Variants in CDH12 observed in about 807,000 individuals in gnomAD.
CDH12 encodes the protein cadherin-12.
CDH12 carries 41 observed loss-of-function variants against 74.1 expected under a neutral mutation model. The observed-to-expected ratio is 0.55, with a 90% CI of 0.43 to 0.72. The LOEUF (loss-of-function observed/expected upper bound fraction) is 0.72, where lower values mean the gene tolerates loss of function less well. CDH12 is among the 30% of genes least tolerant of loss of function. CDH12 has a pLI of 0.00. For synonymous variants in CDH12, 399 were observed against 355.0 expected (o/e 1.12, Z -1.39); for missense variants, 945 against 977.2 (o/e 0.97, Z 0.44).
chr5:22,044,530 A>G (rs1237478514), intron 5 of CDH12, among the ~76,000 whole-genome samples: 1 of 152,204 alleles, frequency 6.6e-6, no homozygotes, highest in Non-Finnish European at 1.5e-5. Flanking sequence ...AACCACTTCC[A>G]TGATCTAATC....
At chr5:22,455,149 A>C (rs1434717473) in intron 2 of CDH12, among the ~76,000 whole-genome samples, 1 of 152,216 alleles carries the variant, frequency 6.6e-6, no homozygotes, top group Non-Finnish European at 1.5e-5. Flanking sequence ...TGTGAATGAA[A>C]CATTATTGGC....
chr5:22,343,864 C>T (rs949848206), intron 3 of CDH12, among the ~76,000 whole-genome samples: 1 of 152,216 alleles, frequency 6.6e-6, no homozygotes, highest in African/African-American at 2.4e-5. Context: ...CTTAGCACAA[C>T]TATCTCTTTA....
chr5:22,009,705 C>T (rs773237222), intron 5 of CDH12, among the ~76,000 whole-genome samples: 14 of 151,772 alleles, frequency 9.2e-5, no homozygotes, highest in Non-Finnish European at 1.5e-4. Flanking sequence ...TGGCCCGGCG[C>T]GGTGACTCAT....
chr5:21,963,675 C>T (rs1756460296), intron 6 of CDH12, among the ~76,000 whole-genome samples: 1 of 152,062 alleles, frequency 6.6e-6, no homozygotes, highest in Admixed American at 6.6e-5. Flanking sequence ...GACTTATGTC[C>T]TTCAGAAATT....
chr5:22,344,856 T>C (rs768530415), intron 3 of CDH12, among the ~76,000 whole-genome samples: 4 of 152,194 alleles, frequency 2.6e-5, no homozygotes, highest in Non-Finnish European at 5.9e-5. Flanking sequence ...CATCTCATAA[T>C]AGAGAATGTG....
intron 3 of CDH12, among the ~76,000 whole-genome samples, chr5:22,393,651 TG>T (rs2126425647): frequency 6.6e-6 from 1 of 152,282 alleles, no homozygotes; most frequent in East Asian, 1.9e-4. Context: ...TGAAGAGACT[TG>T]GTAGAAATAT....
intron 1 of CDH12, among the ~76,000 whole-genome samples, chr5:22,753,604 G>C (rs1469788996): frequency 6.7e-6 from 1 of 149,944 alleles, no homozygotes; most frequent in Non-Finnish European, 1.5e-5. Context: ...TGTATAAATG[G>C]AAGGGGAAGA....
At chr5:22,003,526 ACGTTT>A (rs1468203871) in intron 5 of CDH12, among the ~76,000 whole-genome samples, 1 of 152,234 alleles carries the variant, frequency 6.6e-6, no homozygotes, top group Non-Finnish European at 1.5e-5. Flanking sequence ...AATGGAAATT[ACGTTT>A]TGAAAGGGCC....
intron 3 of CDH12, among the ~76,000 whole-genome samples, chr5:22,312,302 C>T (rs2150429597): frequency 6.6e-6 from 1 of 152,152 alleles, no homozygotes; most frequent in East Asian, 1.9e-4. Context: ...TCCATGGAAT[C>T]TTCTATTATT....
At chr5:21,949,363 T>TG (rs1755726392) in intron 6 of CDH12, among the ~76,000 whole-genome samples, 1 of 147,446 alleles carries the variant, frequency 6.8e-6, no homozygotes, top group Non-Finnish European at 1.5e-5. Context: ...GGCAGGAGAA[T>TG]GGCGTGAACC....
chr5:22,721,740 G>A (rs1336564661), intron 1 of CDH12, among the ~76,000 whole-genome samples: 1 of 152,122 alleles, frequency 6.6e-6, no homozygotes, highest in Non-Finnish European at 1.5e-5. Flanking sequence ...ATGGTGGAAG[G>A]TGATTGGATC....
intron 4 of CDH12, among the ~76,000 whole-genome samples, chr5:22,139,998 G>C (rs951934647): frequency 3.9e-5 from 6 of 151,994 alleles, no homozygotes; most frequent in African/African-American, 1.4e-4. Flanking sequence ...ACAAATGGAA[G>C]GCAGCTGCAC....
chr5:22,505,031 AAAAT>A (rs1173731700), intron 2 of CDH12, among the ~76,000 whole-genome samples: 2 of 152,018 alleles, frequency 1.3e-5, no homozygotes, highest in Non-Finnish European at 2.9e-5. Flanking sequence ...AAGAAGCTAA[AAAAT>A]AAATAATTAT....
At chr5:22,367,098 C>T (rs1016186099) in intron 3 of CDH12, among the ~76,000 whole-genome samples, 2 of 151,978 alleles carry the variant, frequency 1.3e-5, no homozygotes, top group South Asian at 4.1e-4. Context: ...TGATTAAGTT[C>T]TTTTGGTTAC....
intron 1 of CDH12, among the ~76,000 whole-genome samples, chr5:22,819,622 G>T (rs1749565927): frequency 6.6e-6 from 1 of 151,706 alleles, no homozygotes; most frequent in South Asian, 2.1e-4. Context: ...AAAAATATCA[G>T]AAATACATAT....
intron 5 of CDH12, among the ~76,000 whole-genome samples, chr5:21,995,504 T>C (rs1736231160): frequency 6.6e-6 from 1 of 151,966 alleles, no homozygotes; most frequent in South Asian, 2.1e-4. Context: ...AACTCAGCCA[T>C]CCTAAGCATT....
chr5:22,378,570 A>G (rs1741634245), intron 3 of CDH12, among the ~76,000 whole-genome samples: 1 of 152,102 alleles, frequency 6.6e-6, no homozygotes, highest in Admixed American at 6.6e-5. Context: ...TCCAAAAATG[A>G]CCACTAATAA....
chr5:22,509,917 T>C (rs1359105938), intron 1 of CDH12, among the ~76,000 whole-genome samples: 1 of 151,988 alleles, frequency 6.6e-6, no homozygotes, highest in Non-Finnish European at 1.5e-5. Flanking sequence ...GGTATAGCAC[T>C]GGAGAATCAG....
chr5:22,647,949 T>G (rs1205502166), intron 1 of CDH12, among the ~76,000 whole-genome samples: 1 of 151,878 alleles, frequency 6.6e-6, no homozygotes, highest in Non-Finnish European at 1.5e-5. Context: ...TATATGTTTT[T>G]GAAAAATATA....
Sources: allele counts gnomAD v4.1 joint callset (sites outside exome capture counted in the v4.1 genomes callset), GRCh38; gene constraint gnomAD v4.1.1; transcripts MANE v1.5; gene names NCBI Gene and HGNC (gene_info 2026-07-23, HGNC 2026-07-21).